FSTL4: variants seen among roughly 807,000 people sequenced by gnomAD.
The protein encoded by FSTL4 is follistatin-related protein 4.
Under a neutral mutation model 78.2 loss-of-function variants are expected in FSTL4, and 28 were observed. The ratio of observed to expected loss-of-function variants is 0.36; its 90% CI spans 0.27 to 0.49. The LOEUF is 0.49. FSTL4 is among the 20% of genes least tolerant of loss of function. The pLI, the probability that FSTL4 is intolerant of heterozygous loss-of-function variation, is 0.98. For synonymous variants in FSTL4, 422 were observed against 440.5 expected, an observed-to-expected ratio of 0.96 and a Z score of 0.53; for missense variants, 922 against 1,084.9, an observed-to-expected ratio of 0.85 and a Z score of 2.11.
chr5:133,637,043 G>T, the FSTL4 span, among the ~76,000 whole-genome samples: 1 of 152,166 alleles, frequency 6.6e-6, no homozygotes, highest in Non-Finnish European at 1.5e-5. Flanking sequence ...AAAAGGCAAG[G>T]TCAAAGGATA....
intron 4 of FSTL4, among the ~76,000 whole-genome samples, chr5:133,335,391 C>T (rs544740160): frequency 1.1e-3 from 170 of 152,200 alleles, no homozygotes; most frequent in African/African-American, 4.0e-3. Flanking sequence ...TCGACCTTCA[C>T]GGCCCTGGCT....
intron 3 of FSTL4, among the ~76,000 whole-genome samples, chr5:133,501,643 C>T (rs1371533521): frequency 6.6e-6 from 1 of 152,148 alleles, no homozygotes. Context: ...AATGCCTCCT[C>T]ACCACCCAAT....
intron 6 of FSTL4, among the ~76,000 whole-genome samples, chr5:133,298,650 CA>C (rs36108223): frequency 1.3e-5 from 2 of 152,238 alleles, no homozygotes; most frequent in Non-Finnish European, 2.9e-5. Flanking sequence ...TTTGTGACTT[CA>C]AAGACCATGT....
chr5:133,502,349 C>T (rs76649912), intron 3 of FSTL4, among the ~76,000 whole-genome samples: 1 of 152,088 alleles, frequency 6.6e-6, no homozygotes, highest in South Asian at 2.1e-4. Context: ...CATGCCACTG[C>T]CAATTTGAAG....
intron 3 of FSTL4, among the ~76,000 whole-genome samples, chr5:133,433,486 G>A (rs1341824122): frequency 6.6e-6 from 1 of 152,196 alleles, no homozygotes; most frequent in Non-Finnish European, 1.5e-5. Context: ...TCAATGAAAT[G>A]TTTTTGGTTT....
intron 6 of FSTL4, among the ~76,000 whole-genome samples, chr5:133,261,504 C>T (rs1181220295): frequency 2.0e-5 from 3 of 152,284 alleles, no homozygotes; most frequent in Non-Finnish European, 2.9e-5. Context: ...CTTGTTATAT[C>T]CACTCCGTTT....
intron 3 of FSTL4, among the ~76,000 whole-genome samples, chr5:133,545,457 A>C (rs1184133428): frequency 6.6e-6 from 1 of 152,114 alleles, no homozygotes. Context: ...TCCCTACTAT[A>C]TTATGTCATG....
At chr5:133,523,096 A>G (rs155580) in intron 3 of FSTL4, among the ~76,000 whole-genome samples, 101,908 of 151,710 alleles carry the variant, frequency 0.67, 34,353 homozygotes, top group African/African-American at 0.72. Context: ...TCAGGAGGGC[A>G]GGGCTCAAAT....
intron 4 of FSTL4, among the ~76,000 whole-genome samples, chr5:133,352,271 TATATATATACACAC>T (rs1754841784): frequency 2.1e-5 from 2 of 94,358 alleles, no homozygotes; most frequent in Admixed American, 1.0e-4. Context: ...TATACACACA[TATATATATACACAC>T]ATATATATAC....
intron 6 of FSTL4, among the ~76,000 whole-genome samples, chr5:133,260,126 C>T (rs207466416): frequency 1.3e-5 from 2 of 152,224 alleles, no homozygotes; most frequent in African/African-American, 4.8e-5. Flanking sequence ...TCTGGGTCCC[C>T]GTCGTCCCAA....
the FSTL4 span, among the ~76,000 whole-genome samples, chr5:133,630,014 T>C: frequency 6.6e-6 from 1 of 152,262 alleles, no homozygotes; most frequent in South Asian, 2.1e-4. Context: ...ATAAGAACTA[T>C]TTATGAAAAA....
rs760712827 is a variant in FSTL4 at position 133,316,452 on chromosome 5, T to C, written c.603+7A>G. The C allele has an allele frequency of 2.9e-5, 47 of 1,609,870 alleles. No individual in the cohort carries two copies. The highest frequency in any genetic ancestry group is 5.3e-5 in the African/African-American group (4 of 74,822). On this transcript the variant is annotated splice_region_variant and intron_variant, in intron 5 of 15. Coordinates refer to ENST00000265342, the MANE Select transcript of FSTL4 (RefSeq NM_015082.2). ...ATCATGTGACTTTCACTGAACACGA[T>C]GCCCACCTGAGCCAGTTCGGAGCTG...
chr5:133,439,946 C>G (rs1162811214), intron 3 of FSTL4, among the ~76,000 whole-genome samples: 1 of 152,200 alleles, frequency 6.6e-6, no homozygotes, highest in Non-Finnish European at 1.5e-5. Flanking sequence ...CGTGGACACC[C>G]TGGGAGGGGT....
chr5:133,732,321 C>T, the FSTL4 span, among the ~76,000 whole-genome samples: 21 of 152,280 alleles, frequency 1.4e-4, no homozygotes, highest in African/African-American at 4.3e-4. Context: ...TGGCCCTGCA[C>T]AGGGGGTCAA....
At chr5:133,540,118 A>G (rs924949241) in intron 3 of FSTL4, among the ~76,000 whole-genome samples, 3 of 152,138 alleles carry the variant, frequency 2.0e-5, no homozygotes, top group Non-Finnish European at 4.4e-5. Flanking sequence ...CATGGCCTTT[A>G]GATTCAAACT....
intron 11 of FSTL4, among the ~76,000 whole-genome samples, chr5:133,221,342 CTCTGTCCTG>C (rs943612336): frequency 5.9e-4 from 90 of 152,308 alleles, no homozygotes; most frequent in African/African-American, 2.1e-3. Flanking sequence ...TTTGCCCAAA[CTCTGTCCTG>C]GCTGTGCTGG....
At chr5:133,511,752 A>G (rs1430929648) in intron 3 of FSTL4, among the ~76,000 whole-genome samples, 1 of 152,174 alleles carries the variant, frequency 6.6e-6, no homozygotes, top group East Asian at 1.9e-4. Flanking sequence ...AAGCTGAGTT[A>G]GGAGGAGGCA....
the FSTL4 span, among the ~76,000 whole-genome samples, chr5:133,798,596 C>T: frequency 6.6e-6 from 1 of 152,040 alleles, no homozygotes. Context: ...TGTACAGGTA[C>T]TGGGCTCCCG....
At chr5:133,297,912 T>G (rs1370365235) in intron 6 of FSTL4, among the ~76,000 whole-genome samples, 1 of 152,220 alleles carries the variant, frequency 6.6e-6, no homozygotes, top group Non-Finnish European at 1.5e-5. Flanking sequence ...ATCCCTCATC[T>G]GGACCAGCAG....
Sources: gnomAD v4.1 joint callset for allele counts (sites outside exome capture counted in the v4.1 genomes callset) on GRCh38, gnomAD v4.1.1 for gene constraint, MANE v1.5 for transcripts, NCBI Gene and HGNC (gene_info 2026-07-23, HGNC 2026-07-21) for gene names.